The following GRM7 variants were observed in gnomAD, a reference collection of about 807,000 sequenced individuals.
The protein encoded by GRM7 is glutamate metabotropic receptor 7.
GRM7 carries 35 observed loss-of-function variants against 84.5 expected under a neutral mutation model. The ratio of observed to expected loss-of-function variants is 0.41; its 90% CI spans 0.32 to 0.55. The LOEUF (loss-of-function observed/expected upper bound fraction) is 0.55, where lower values mean the gene tolerates loss of function less well. Among genes scored for constraint, GRM7 ranks in the 20% least tolerant of loss-of-function variants. The pLI, the probability that GRM7 is intolerant of heterozygous loss-of-function variation, is 0.19. For synonymous variants in GRM7, 487 were observed against 455.1 expected (o/e 1.07, Z -0.89); for missense variants, 1,003 against 1,194.6 (o/e 0.84, Z 2.36).
chr3:7,362,647 T>A (rs146841837), intron 4 of GRM7, among the ~76,000 whole-genome samples: 54 of 152,216 alleles, frequency 3.5e-4, no homozygotes, highest in Non-Finnish European at 7.5e-4. Context: ...GTACGATTCA[T>A]TAAAAACATA....
chr3:7,138,268 C>G (rs1693833699), intron 1 of GRM7, among the ~76,000 whole-genome samples: 1 of 151,866 alleles, frequency 6.6e-6, no homozygotes, highest in Non-Finnish European at 1.5e-5. Context: ...AATATATAAT[C>G]ATAAACTGTA....
intron 8 of GRM7, among the ~76,000 whole-genome samples, chr3:7,666,959 C>A: frequency 6.6e-6 from 1 of 151,916 alleles, no homozygotes; most frequent in Middle Eastern, 3.4e-3. Context: ...TGTTGCACAG[C>A]GAATGCCCTA....
intron 2 of GRM7, among the ~76,000 whole-genome samples, chr3:7,162,656 G>T (rs1694660990): frequency 6.7e-6 from 1 of 150,138 alleles, no homozygotes; most frequent in African/African-American, 2.4e-5. Flanking sequence ...TCAGGTGTGA[G>T]GGGCTTAAAA....
chr3:6,911,108 C>A (rs1222000873), intron 1 of GRM7, among the ~76,000 whole-genome samples: 2 of 152,060 alleles, frequency 1.3e-5, no homozygotes, highest in Non-Finnish European at 2.9e-5. Context: ...TCATCCTTAA[C>A]CAAAAACAAC....
intron 1 of GRM7, among the ~76,000 whole-genome samples, chr3:7,046,983 G>A (rs972189555): frequency 5.3e-5 from 8 of 151,952 alleles, no homozygotes; most frequent in Admixed American, 2.6e-4. Flanking sequence ...AAACAGGAAG[G>A]GGATATTTGT....
In GRM7 at chr3:7,588,265, T is replaced by C. The variant is rs115056793; in HGVS notation, c.2451+8908T>C. Among the ~76,000 whole-genome samples, 1,283 of 152,272 alleles carry C rather than the reference T, an allele frequency of 8.4e-3. 18 individuals are homozygous for C. Among genetic ancestry groups the C allele is most frequent in the African/African-American group, 0.029 (1,217 of 41,542 alleles). ...AAGCAGTTCCTAATGAATAAAGCTA[T>C]CCTCAAATGACTGGCACTTGGGGCG... On this transcript the variant is annotated intron_variant, in intron 8 of 9. Transcript: ENST00000357716.
At chr3:7,112,458 T>A (rs974641663) in intron 1 of GRM7, among the ~76,000 whole-genome samples, 1 of 152,152 alleles carries the variant, frequency 6.6e-6, no homozygotes, top group African/African-American at 2.4e-5. Flanking sequence ...TCTCCTGACC[T>A]TGTGATCTGC....
intron 8 of GRM7, among the ~76,000 whole-genome samples, chr3:7,579,681 A>G (rs1328549068): frequency 6.6e-6 from 1 of 152,068 alleles, no homozygotes; most frequent in Admixed American, 6.5e-5. Flanking sequence ...CAACTTCTCC[A>G]CTTACCCACA....
chr3:7,251,943 G>A (rs1292808925), intron 2 of GRM7, among the ~76,000 whole-genome samples: 2 of 152,180 alleles, frequency 1.3e-5, no homozygotes, highest in Admixed American at 1.3e-4. Flanking sequence ...GTAAACTCCA[G>A]TAGCCGGAAA....
chr3:7,259,875 C>T (rs528808830), intron 2 of GRM7, among the ~76,000 whole-genome samples: 2 of 151,034 alleles, frequency 1.3e-5, no homozygotes, highest in African/African-American at 4.9e-5. Context: ...ACACTGCGTT[C>T]CACAATGGTT....
intron 8 of GRM7, among the ~76,000 whole-genome samples, chr3:7,595,330 A>G (rs1310698311): frequency 6.6e-6 from 1 of 152,322 alleles, no homozygotes; most frequent in East Asian, 1.9e-4. Context: ...GTAATACATG[A>G]GCTGAAGTAG....
intron 4 of GRM7, among the ~76,000 whole-genome samples, chr3:7,359,219 T>TG (rs1693552083): frequency 3.6e-5 from 4 of 109,606 alleles, no homozygotes; most frequent in African/African-American, 1.2e-4. Flanking sequence ...GGTGTTTGTG[T>TG]TTGTGTGTGT....
rs145271351 is a variant in GRM7 at position 7,629,251 on chromosome 3, G to A, written c.2451+49894G>A. On this transcript the variant is annotated intron_variant, in intron 8 of 9. Coordinates refer to ENST00000357716, the MANE Select transcript of GRM7 (RefSeq NM_000844.4). ...TAGTACTATATAACCAAAGCAAAGAGGTAGGTAGAGTTGTATATTAGTCAG... is the reference window on the plus strand; with the variant it reads ...TAGTACTATATAACCAAAGCAAAGAAGTAGGTAGAGTTGTATATTAGTCAG... Among the ~76,000 whole-genome samples the A allele has an allele frequency of 7.7e-3, 1,170 of 152,290 alleles. 20 individuals carry two copies. The highest frequency in any genetic ancestry group is 0.026 in the African/African-American group (1,088 of 41,570).
At chr3:7,236,726 T>C (rs1198875582) in intron 2 of GRM7, among the ~76,000 whole-genome samples, 5 of 152,186 alleles carry the variant, frequency 3.3e-5, no homozygotes, top group Non-Finnish European at 7.3e-5. Context: ...TCACAAGATA[T>C]GTGAATGATA....
intron 4 of GRM7, among the ~76,000 whole-genome samples, chr3:7,324,022 C>T (rs1195885993): frequency 6.6e-6 from 1 of 152,132 alleles, no homozygotes; most frequent in Non-Finnish European, 1.5e-5. Context: ...TTTCTCATGC[C>T]TTCCCTCAAA....
intron 7 of GRM7, among the ~76,000 whole-genome samples, chr3:7,512,545 A>G (rs568772805): frequency 2.0e-5 from 3 of 152,004 alleles, no homozygotes; most frequent in African/African-American, 7.2e-5. Context: ...TTTTTGGAAG[A>G]AAATGGATAT....
chr3:7,411,273 C>G (rs1695924121), intron 4 of GRM7, among the ~76,000 whole-genome samples: 1 of 152,064 alleles, frequency 6.6e-6, no homozygotes, highest in African/African-American at 2.4e-5. Flanking sequence ...GGGGTTAGGA[C>G]ATGGACATTT....
At chr3:7,280,133 T>C (rs994841774) in intron 2 of GRM7, among the ~76,000 whole-genome samples, 1 of 152,194 alleles carries the variant, frequency 6.6e-6, no homozygotes, top group Non-Finnish European at 1.5e-5. Flanking sequence ...TAGCATTTCA[T>C]ACCCTCATTA....
rs146466361 is a variant in GRM7, at chr3:7,148,566, T to G, written c.736+1898T>G. ...CAAGATAAATGTTTGCTCTGGGTCT[T>G]TATAAAAAACTATATTCTATAGACA... On this transcript the variant is annotated intron_variant, in intron 2 of 9. Coordinates refer to ENST00000357716, the MANE Select transcript of GRM7 (RefSeq NM_000844.4). 3.2e-3 allele frequency among the ~76,000 whole-genome samples: 487 copies of G among 152,278 alleles called. 3 individuals are homozygous for G. The highest frequency in any genetic ancestry group is 0.011 in the African/African-American group (457 of 41,564).
Sources: gnomAD v4.1 joint callset for allele counts (sites outside exome capture counted in the v4.1 genomes callset) on GRCh38, gnomAD v4.1.1 for gene constraint, MANE v1.5 for transcripts, NCBI Gene and HGNC (gene_info 2026-07-23, HGNC 2026-07-21) for gene names.